The following ZKSCAN5 variants were observed in gnomAD, a reference collection of about 807,000 sequenced individuals.
ZKSCAN5 encodes zinc finger with KRAB and SCAN domains 5.
ZKSCAN5 carries 28 observed loss-of-function variants against 60.0 expected under a neutral mutation model. The ratio of observed to expected loss-of-function variants is 0.47; its 90% confidence interval spans 0.35 to 0.64. The LOEUF is 0.64. ZKSCAN5 is among the 30% of genes least tolerant of loss of function. The probability of loss-of-function intolerance (pLI) is 0.01; values close to 1 mark genes in which losing one functional copy is unlikely to be tolerated. For missense variants in ZKSCAN5, 881 were observed against 1,034.6 expected, an observed-to-expected ratio of 0.85 and a Z score of 2.04; for synonymous variants, 361 against 371.2, an observed-to-expected ratio of 0.97 and a Z score of 0.31.
chr7:99,533,068 T>C lies in ZKSCAN5; in HGVS notation c.*819T>C. 1 of 294,976 alleles carries C rather than the reference T, an allele frequency of 3.4e-6. No individual in the cohort carries two copies. Among genetic ancestry groups the C allele is most frequent in the Non-Finnish European group, 7.2e-6 (1 of 137,942 alleles). The allele number at this position is 294,976 out of a possible 1,614,324, so 18.3% of individuals were successfully genotyped here. On this transcript the variant is annotated 3_prime_UTR_variant, in exon 7 of 7. Transcript: ENST00000326775. The stretch of plus-strand genomic sequence containing the variant: ...AGTTGTGGACTGTTTGATCTTGTAT[T>C]ACCCACAGGAATGAGGGCAGCTAAA...
chr7:99,525,791 A>G (rs753008548), intron 5 of ZKSCAN5, 22 bp from the exon 6 acceptor site: 1 of 1,568,690 alleles, frequency 6.4e-7, no homozygotes, highest in East Asian at 2.3e-5. Flanking sequence ...CTCATTTTTT[A>G]ATTCTCCCTC....
intron 3 of ZKSCAN5, chr7:99,513,757 G>T: frequency 2.8e-6 from 1 of 353,740 alleles, no homozygotes; most frequent in Non-Finnish European, 5.8e-6. Flanking sequence ...GCCGGGCTCA[G>T]TGGCTCACAC....
At chr7:99,506,817 G>A (rs958440177) in intron 2 of ZKSCAN5, among the ~76,000 whole-genome samples, 13 of 151,956 alleles carry the variant, frequency 8.6e-5, no homozygotes, top group African/African-American at 3.1e-4. Context: ...GGAGTAGCTG[G>A]GACTGCAGGC....
At chr7:99,527,125 T>C (rs1801826737) in intron 6 of ZKSCAN5, among the ~76,000 whole-genome samples, 1 of 152,136 alleles carries the variant, frequency 6.6e-6, no homozygotes, top group African/African-American at 2.4e-5. Context: ...AGGCCAGGCA[T>C]TCAAGACCAC....
chr7:99,520,331 T>C (rs1801475045), intron 5 of ZKSCAN5, 27 bp downstream of exon 5: 1 of 1,580,606 alleles, frequency 6.3e-7, no homozygotes, highest in East Asian at 2.3e-5. Context: ...CTGCATGGAT[T>C]AGGACATGTT....
At chr7:99,521,290 TG>T (rs1380587360) in intron 5 of ZKSCAN5, among the ~76,000 whole-genome samples, 1 of 152,172 alleles carries the variant, frequency 6.6e-6, no homozygotes, top group Non-Finnish European at 1.5e-5. Context: ...CTCTGCCTCC[TG>T]GTTTCGAGCA....
intron 6 of ZKSCAN5, among the ~76,000 whole-genome samples, chr7:99,528,910 A>G (rs1420796105): frequency 1.3e-5 from 2 of 152,196 alleles, no homozygotes; most frequent in East Asian, 3.9e-4. Flanking sequence ...GCATTCCCAA[A>G]GGAGAAGGAT....
In ZKSCAN5 at chr7:99,532,153, G is replaced by C; in HGVS notation, c.2424G>C (p.Met808Ile). 1 of 1,613,826 alleles carries C rather than the reference G, an allele frequency of 6.2e-7. No homozygotes were observed. Among genetic ancestry groups the C allele is most frequent in the Non-Finnish European group, 8.5e-7 (1 of 1,180,032 alleles). The part of the protein sequence containing the change: ...EKPFQCKECG[M>I]NFSWSCSLFK... ...CTTTTCAATGTAAAGAATGTGGAAT[G>C]AATTTCAGCTGGAGTTGTAGCCTCT... The change falls in exon 7 of 7, where the codon ATG (methionine) becomes ATC (isoleucine). Residue 808 changes from methionine (M) to isoleucine (I), a missense_variant. Transcript: ENST00000326775.
rs55658352 is a variant in ZKSCAN5, at chr7:99,534,674, TAAAAAAAAAAAAAAA to T, written c.*2437_*2451del. The T allele has an allele frequency of 5.4e-5, 3 of 55,084 alleles. No individual in the cohort carries two copies. Among genetic ancestry groups the T allele is most frequent in the Admixed American group, 2.8e-4 (1 of 3,586 alleles). The allele number at this position is 55,084 out of a possible 1,614,324, so 3.4% of individuals were successfully genotyped here. ...GCCCAGTTGACAGAGCGACAGTGTC[TAAAAAAAAAAAAAAA>T]AAAAAAAAAAACATTTTTTGGAGAG... On this transcript the variant is annotated 3_prime_UTR_variant, in exon 7 of 7. Transcript: ENST00000326775.
chr7:99,524,386 A>G (rs1482566525), intron 5 of ZKSCAN5, among the ~76,000 whole-genome samples: 2 of 151,598 alleles, frequency 1.3e-5, no homozygotes, highest in Non-Finnish European at 2.9e-5. Flanking sequence ...TAATTTTTGT[A>G]TTTTTTGTAG....
At chr7:99,518,092 C>T (rs1801345457) in intron 3 of ZKSCAN5, among the ~76,000 whole-genome samples, 1 of 152,108 alleles carries the variant, frequency 6.6e-6, no homozygotes, top group Non-Finnish European at 1.5e-5. Flanking sequence ...CAAGAGTGGT[C>T]CAGGAAGCCG....
At chr7:99,525,762 C>A in intron 5 of ZKSCAN5, 51 bp from the exon 6 acceptor site, 1 of 1,554,662 alleles carries the variant, frequency 6.4e-7, no homozygotes, top group Non-Finnish European at 8.7e-7. Context: ...CATTTTATTT[C>A]TTCAAATTCA....
At chr7:99,514,911 C>CAA (rs776123021) in intron 3 of ZKSCAN5, among the ~76,000 whole-genome samples, 1 of 119,758 alleles carries the variant, frequency 8.4e-6, no homozygotes, top group Non-Finnish European at 1.8e-5. Context: ...AACTCTGTCT[C>CAA]AAAAAAAAAA....
chr7:99,521,949 T>C (rs865827497), intron 5 of ZKSCAN5, among the ~76,000 whole-genome samples: 12 of 152,196 alleles, frequency 7.9e-5, no homozygotes, highest in African/African-American at 2.7e-4. Flanking sequence ...TTTATCTTTT[T>C]CAGTTACTTT....
Position 99,522,478 on chromosome 7 carries a change from CT to C in ZKSCAN5, c.772+2187del, listed in dbSNP as rs757882299. On this transcript the variant is annotated intron_variant, in intron 5 of 6. Transcript: ENST00000326775. ...ATGGGTGGATTGTTTTTTGTTTCCC[CT>C]TTTTTTTTTTTTGAGACAGTGTCTC... Among the ~76,000 whole-genome samples, 263 of 142,724 alleles carry C rather than the reference CT, an allele frequency of 1.8e-3. 1 individual carries two copies. The highest frequency in any genetic ancestry group is 1.8e-3 in the Non-Finnish European group (114 of 64,846). 93.6% of individuals were successfully genotyped at this position (142,724 alleles called of 152,430 possible).
At chr7:99,522,185 A>G (rs1584191644) in intron 5 of ZKSCAN5, among the ~76,000 whole-genome samples, 1 of 152,130 alleles carries the variant, frequency 6.6e-6, no homozygotes, top group African/African-American at 2.4e-5. Flanking sequence ...TTCTTTTCAC[A>G]TCTGCGGATT....
intron 3 of ZKSCAN5, 52 bp downstream of exon 3, chr7:99,512,643 G>A (rs752909583): frequency 6.3e-7 from 1 of 1,581,932 alleles, no homozygotes; most frequent in South Asian, 1.1e-5. Flanking sequence ...TGGGTGCCTT[G>A]GCCATGTGGC....
Position 99,533,971 on chromosome 7 carries a change from A to G in ZKSCAN5, c.*1722A>G, listed in dbSNP as rs1802158890. Reference sequence around the variant, plus strand: ...GGAGTGAAGACCCGCATCACTGTTAATAGTCCTGGCATGTGGTACCTGTCC... The same window carrying G: ...GGAGTGAAGACCCGCATCACTGTTAGTAGTCCTGGCATGTGGTACCTGTCC... On this transcript the variant is annotated 3_prime_UTR_variant, in exon 7 of 7. Transcript: ENST00000326775. The G allele has an allele frequency of 5.0e-6, 1 of 201,972 alleles. No homozygotes were observed. Among genetic ancestry groups the G allele is most frequent in the Non-Finnish European group, 9.9e-6 (1 of 101,248 alleles). The allele number at this position is 201,972 out of a possible 1,614,324, so 12.5% of individuals were successfully genotyped here.
At chr7:99,520,141 A>C (rs1801460935) in intron 4 of ZKSCAN5, 28 bp from the exon 5 acceptor site, 1 of 1,609,966 alleles carries the variant, frequency 6.2e-7, no homozygotes, top group East Asian at 2.2e-5. Flanking sequence ...ATAGGGAATG[A>C]GAATTTAGTG....
Sources: gnomAD v4.1 joint callset for allele counts (sites outside exome capture counted in the v4.1 genomes callset) on GRCh38, gnomAD v4.1.1 for gene constraint, MANE v1.5 for transcripts, NCBI Gene and HGNC (gene_info 2026-07-23, HGNC 2026-07-21) for gene names.